Variants in FHL2 observed in about 807,000 individuals in gnomAD.
The protein encoded by FHL2 is four and a half LIM domains protein 2.
Under a neutral mutation model 32.7 loss-of-function variants are expected in FHL2, and 20 were observed. The ratio of observed to expected loss-of-function variants is 0.61; its 90% CI spans 0.43 to 0.89. The LOEUF (loss-of-function observed/expected upper bound fraction) is 0.89, where lower values mean the gene tolerates loss of function less well. Ranked by LOEUF, FHL2 falls within the 40% of genes least tolerant of loss-of-function variation. The pLI, the probability that FHL2 is intolerant of heterozygous loss-of-function variation, is 0.00. For missense variants in FHL2, 311 were observed against 358.6 expected, an observed-to-expected ratio of 0.87 and a Z score of 1.07; for synonymous variants, 123 against 128.1, an observed-to-expected ratio of 0.96 and a Z score of 0.27.
Position 105,431,943 on chromosome 2 carries a change from G to GTGC in FHL2, c.-25+6453_-25+6455dup, listed in dbSNP as rs560336884. ...CTCATCAGCAGCCAGAGTGGAGGATGTGCTGCTGCTGCTGCTGTTAATAAA... is the reference window on the plus strand; with the variant it reads ...CTCATCAGCAGCCAGAGTGGAGGATGTGCTGCTGCTGCTGCTGCTGTTAATAAA... On this transcript the variant is annotated intron_variant, in intron 1 of 5. Coordinates refer to the FHL2 transcript ENST00000393352. Among the ~76,000 whole-genome samples, 99 of 152,292 alleles carry GTGC rather than the reference G, an allele frequency of 6.5e-4. No homozygotes were observed. In the East Asian group the frequency reaches 0.015, roughly 23 times the overall value.
At chr2:105,435,710 T>A (rs1035254225) in intron 1 of FHL2, among the ~76,000 whole-genome samples, 1 of 152,088 alleles carries the variant, frequency 6.6e-6, no homozygotes, top group African/African-American at 2.4e-5. Flanking sequence ...TAATCCCAGC[T>A]ACTCGGGAGG....
intron 1 of FHL2, among the ~76,000 whole-genome samples, chr2:105,422,979 C>T (rs777793080): frequency 6.6e-6 from 1 of 152,006 alleles, no homozygotes; most frequent in Admixed American, 6.6e-5. Context: ...TTTCCTTTTC[C>T]TGCAGCTCAG....
chr2:105,418,114 T>C (rs1038871446), intron 1 of FHL2, among the ~76,000 whole-genome samples: 2 of 152,144 alleles, frequency 1.3e-5, no homozygotes, highest in Non-Finnish European at 2.9e-5. Context: ...CTGGAGGTAG[T>C]GTATTTTCCA....
At chr2:105,374,960 G>A (rs1681360195) in intron 3 of FHL2, among the ~76,000 whole-genome samples, 1 of 152,180 alleles carries the variant, frequency 6.6e-6, no homozygotes, top group Admixed American at 6.5e-5. Flanking sequence ...TTCACGCGAT[G>A]GCCCTGAAGA....
intron 2 of FHL2, among the ~76,000 whole-genome samples, chr2:105,391,133 A>G (rs921434220): frequency 6.6e-6 from 1 of 151,984 alleles, no homozygotes; most frequent in Non-Finnish European, 1.5e-5. Context: ...TGCATTTTTT[A>G]CATCCCATAA....
intron 1 of FHL2, among the ~76,000 whole-genome samples, chr2:105,414,544 T>A (rs894313635): frequency 4.6e-5 from 7 of 152,108 alleles, no homozygotes; most frequent in African/African-American, 1.7e-4. Context: ...TAAAGGTTTT[T>A]GTTTGGTTTG....
At chr2:105,420,832 T>A (rs989580894) in intron 1 of FHL2, among the ~76,000 whole-genome samples, 1 of 152,172 alleles carries the variant, frequency 6.6e-6, no homozygotes, top group African/African-American at 2.4e-5. Flanking sequence ...ATCTAACGCC[T>A]CCACTGATCT....
At chr2:105,433,884 T>C (rs1046538375) in intron 1 of FHL2, among the ~76,000 whole-genome samples, 2 of 152,240 alleles carry the variant, frequency 1.3e-5, no homozygotes, top group Non-Finnish European at 2.9e-5. Flanking sequence ...GACTTTCTTA[T>C]TTCATCTTAC....
intron 2 of FHL2, among the ~76,000 whole-genome samples, chr2:105,393,885 C>A (rs909535759): frequency 1.3e-5 from 2 of 152,184 alleles, no homozygotes; most frequent in Non-Finnish European, 2.9e-5. Flanking sequence ...GGACTCCAAT[C>A]CCATGTGAAC....
chr2:105,426,331 C>T (rs553155435), intron 1 of FHL2, among the ~76,000 whole-genome samples: 8 of 152,130 alleles, frequency 5.3e-5, no homozygotes, highest in Non-Finnish European at 1.0e-4. Flanking sequence ...TCATTTTTGA[C>T]GTATAAAAGT....
chr2:105,417,669 G>A (rs1418283984), intron 1 of FHL2, among the ~76,000 whole-genome samples: 1 of 115,166 alleles, frequency 8.7e-6, no homozygotes, highest in Non-Finnish European at 1.6e-5. Flanking sequence ...GGGCAATACA[G>A]CGAGACTCCA....
chr2:105,418,820 C>T (rs1684011837), intron 1 of FHL2, among the ~76,000 whole-genome samples: 1 of 152,108 alleles, frequency 6.6e-6, no homozygotes, highest in African/African-American at 2.4e-5. Flanking sequence ...ATTCACATAC[C>T]TTTTATTACA....
chr2:105,412,818 T>C (rs1259312865), intron 1 of FHL2, among the ~76,000 whole-genome samples: 9 of 152,116 alleles, frequency 5.9e-5, no homozygotes, highest in Non-Finnish European at 1.3e-4. Context: ...TGAGAGTGTG[T>C]TGCACGTGGC....
chr2:105,410,812 T>C (rs1390560933), intron 1 of FHL2, among the ~76,000 whole-genome samples: 1 of 152,182 alleles, frequency 6.6e-6, no homozygotes, highest in African/African-American at 2.4e-5. Flanking sequence ...AGCAATGGCA[T>C]GAGTAATCCT....
chr2:105,379,042 G>T (rs1387252924), intron 3 of FHL2, among the ~76,000 whole-genome samples: 1 of 152,128 alleles, frequency 6.6e-6, no homozygotes, highest in Non-Finnish European at 1.5e-5. Context: ...GGGATCCCAG[G>T]AGCACGTGAT....
At chr2:105,424,592 G>A (rs183369502) in intron 1 of FHL2, among the ~76,000 whole-genome samples, 26 of 152,272 alleles carry the variant, frequency 1.7e-4, no homozygotes, top group Non-Finnish European at 3.1e-4. Flanking sequence ...GTTTATTGTG[G>A]CACTGTTCAC....
chr2:105,421,860 A>G (rs1461425127), intron 1 of FHL2, among the ~76,000 whole-genome samples: 2 of 152,226 alleles, frequency 1.3e-5, no homozygotes, highest in Non-Finnish European at 2.9e-5. Flanking sequence ...TCAACATTCT[A>G]GGATTTAGTT....
At chr2:105,396,080 G>C (rs1162577328) in intron 2 of FHL2, among the ~76,000 whole-genome samples, 1 of 152,162 alleles carries the variant, frequency 6.6e-6, no homozygotes, top group African/African-American at 2.4e-5. Context: ...ACAGTTGGTG[G>C]GGAGACTTTT....
intron 3 of FHL2, chr2:105,378,009 TGA>T (rs1273573169): frequency 1.1e-5 from 5 of 463,722 alleles, no homozygotes; most frequent in Admixed American, 7.3e-5. Flanking sequence ...CAAGAAAAAC[TGA>T]GAGAGAAATC....
Sources: allele counts gnomAD v4.1 joint callset (sites outside exome capture counted in the v4.1 genomes callset), GRCh38; gene constraint gnomAD v4.1.1; transcripts MANE v1.5; gene names NCBI Gene and HGNC (gene_info 2026-07-23, HGNC 2026-07-21).